Variants in EVI5 observed in about 807,000 individuals in gnomAD.
EVI5 encodes ecotropic viral integration site 5 protein homolog.
EVI5 carries 73 observed loss-of-function variants against 112.0 expected under a neutral mutation model. The ratio of observed to expected loss-of-function variants is 0.65; its 90% CI spans 0.54 to 0.79. The LOEUF is 0.79. Among genes scored for constraint, EVI5 ranks in the 30% least tolerant of loss-of-function variants. The pLI is 0.00. For synonymous variants in EVI5, 305 were observed against 319.9 expected, an observed-to-expected ratio of 0.95 and a Z score of 0.50; for missense variants, 900 against 968.8, an observed-to-expected ratio of 0.93 and a Z score of 0.94.
chr1:92,686,489 C>T (rs987336149), intron 9 of EVI5, among the ~76,000 whole-genome samples: 2 of 152,198 alleles, frequency 1.3e-5, no homozygotes, highest in African/African-American at 4.8e-5. Flanking sequence ...CTGCACAAGG[C>T]AAGGATGCCC....
chr1:92,535,418 A>G (rs1177952630), intron 19 of EVI5, among the ~76,000 whole-genome samples: 1 of 152,234 alleles, frequency 6.6e-6, no homozygotes, highest in African/African-American at 2.4e-5. Flanking sequence ...GTATATACCC[A>G]AAGGATTATA....
chr1:92,625,755 ACT>A (rs759114480), intron 15 of EVI5, 37 bp downstream of exon 15: 2 of 1,588,190 alleles, frequency 1.3e-6, no homozygotes, highest in Non-Finnish European at 1.7e-6. Context: ...TTTCGGTTTT[ACT>A]CTCTTTTAAA....
At chr1:92,609,056 A>G (rs1651135556) in intron 16 of EVI5, among the ~76,000 whole-genome samples, 1 of 152,250 alleles carries the variant, frequency 6.6e-6, no homozygotes, top group Non-Finnish European at 1.5e-5. Flanking sequence ...GTGCTAAAAA[A>G]ACATATAGAC....
At chr1:92,586,641 T>C (rs952645049) in intron 18 of EVI5, among the ~76,000 whole-genome samples, 57 of 144,292 alleles carry the variant, frequency 4.0e-4, no homozygotes, top group African/African-American at 1.4e-3. Context: ...TGTGTGTGTG[T>C]GCATTTTGAG....
intron 1 of EVI5, among the ~76,000 whole-genome samples, chr1:92,783,493 A>AG: frequency 8.3e-6 from 1 of 120,066 alleles, no homozygotes; most frequent in Admixed American, 9.4e-5. Context: ...TAAAAAAAAA[A>AG]AAAAAAAAAA....
At chr1:92,719,170 A>T (rs922552759) in intron 2 of EVI5, among the ~76,000 whole-genome samples, 4 of 151,048 alleles carry the variant, frequency 2.6e-5, no homozygotes, top group Non-Finnish European at 5.9e-5. Context: ...ATAGAAAAAG[A>T]GGGAATCCTC....
At chr1:92,701,146 T>C (rs1671096706) in intron 5 of EVI5, among the ~76,000 whole-genome samples, 1 of 152,258 alleles carries the variant, frequency 6.6e-6, no homozygotes, top group African/African-American at 2.4e-5. Context: ...GAAAAGTGTA[T>C]ACTCCTGACA....
At chr1:92,724,154 T>C (rs1675193617) in intron 2 of EVI5, among the ~76,000 whole-genome samples, 1 of 152,144 alleles carries the variant, frequency 6.6e-6, no homozygotes, top group Admixed American at 6.6e-5. Flanking sequence ...CTACTCCCTG[T>C]TCCACCCCCT....
At chr1:92,702,346 T>C (rs1239785312) in intron 4 of EVI5, 131 bp from the exon 5 acceptor site, 7 of 564,334 alleles carry the variant, frequency 1.2e-5, no homozygotes, top group Non-Finnish European at 2.2e-5. Flanking sequence ...TTGCTTGTTA[T>C]AGATGTTATC....
intron 18 of EVI5, among the ~76,000 whole-genome samples, chr1:92,603,942 T>C (rs1649775096): frequency 6.6e-6 from 1 of 151,984 alleles, no homozygotes; most frequent in Admixed American, 6.6e-5. Flanking sequence ...TCACTTTGTT[T>C]GTCAGGTTGG....
intron 17 of EVI5, among the ~76,000 whole-genome samples, chr1:92,606,702 C>T (rs1467742351): frequency 2.0e-5 from 3 of 152,098 alleles, no homozygotes; most frequent in African/African-American, 7.2e-5. Context: ...GATGGAATTA[C>T]AGCTTTACAT....
intron 14 of EVI5, among the ~76,000 whole-genome samples, chr1:92,634,313 C>T (rs187368723): frequency 7.2e-5 from 11 of 152,326 alleles, no homozygotes; most frequent in South Asian, 4.1e-4. Context: ...CTTTCAGGTA[C>T]ACCAATCAGA....
intron 19 of EVI5, among the ~76,000 whole-genome samples, chr1:92,521,453 G>C (rs1660913597): frequency 6.6e-6 from 1 of 152,178 alleles, no homozygotes; most frequent in African/African-American, 2.4e-5. Flanking sequence ...CACTTTGGGA[G>C]GCCAAGGCGG....
chr1:92,555,533 T>A (rs75875638), intron 19 of EVI5, among the ~76,000 whole-genome samples: 3,924 of 152,100 alleles, frequency 0.026, 128 homozygotes, highest in African/African-American at 0.074. Context: ...TAAAAGGAAA[T>A]AAAGACTGGT....
chr1:92,571,046 T>C (rs1670252616), intron 18 of EVI5, among the ~76,000 whole-genome samples: 1 of 151,716 alleles, frequency 6.6e-6, no homozygotes, highest in Non-Finnish European at 1.5e-5. Context: ...TTAAATCCAA[T>C]TATATAGTTG....
chr1:92,521,621 G>A (rs1204188132), intron 19 of EVI5, among the ~76,000 whole-genome samples: 1 of 151,934 alleles, frequency 6.6e-6, no homozygotes, highest in African/African-American at 2.4e-5. Context: ...AACCCAGAAG[G>A]CGGAGGTTGC....
At chr1:92,667,774 C>T (rs1572196453) in intron 10 of EVI5, among the ~76,000 whole-genome samples, 2 of 152,148 alleles carry the variant, frequency 1.3e-5, no homozygotes, top group Admixed American at 6.5e-5. Flanking sequence ...TGCCACCACG[C>T]TCAGCTAATT....
intron 1 of EVI5, among the ~76,000 whole-genome samples, chr1:92,781,647 C>T (rs897019819): frequency 1.4e-4 from 21 of 151,996 alleles, no homozygotes; most frequent in African/African-American, 5.1e-4. Flanking sequence ...AAGTATACTT[C>T]ATTAAAATTA....
At chr1:92,612,625 G>A (rs1301041322) in intron 16 of EVI5, among the ~76,000 whole-genome samples, 3 of 143,656 alleles carry the variant, frequency 2.1e-5, no homozygotes, top group South Asian at 2.2e-4. Flanking sequence ...CAGAAGAATC[G>A]CTTCAACCCC....
Sources: gnomAD v4.1 joint callset for allele counts (sites outside exome capture counted in the v4.1 genomes callset) on GRCh38, gnomAD v4.1.1 for gene constraint, MANE v1.5 for transcripts, NCBI Gene and HGNC (gene_info 2026-07-23, HGNC 2026-07-21) for gene names.